KCTD1: variants seen among roughly 807,000 people sequenced by gnomAD.
The protein encoded by KCTD1 is BTB/POZ domain-containing protein KCTD1.
A neutral mutation model predicts 66.0 loss-of-function variants in KCTD1; 24 were observed. The observed-to-expected ratio is 0.36, with a 90% CI of 0.26 to 0.51. KCTD1 has a LOEUF of 0.51. Ranked by LOEUF, KCTD1 falls within the 20% of genes least tolerant of loss-of-function variation. The probability of loss-of-function intolerance (pLI) is 0.95; values close to 1 mark genes in which losing one functional copy is unlikely to be tolerated. For missense variants in KCTD1, 943 were observed against 1,205.2 expected, an observed-to-expected ratio of 0.78 and a Z score of 3.22; for synonymous variants, 511 against 517.2, an observed-to-expected ratio of 0.99 and a Z score of 0.16.
intron 1 of KCTD1, chr18:26,599,392 A>C: frequency 6.2e-7 from 1 of 1,610,356 alleles, no homozygotes; most frequent in Non-Finnish European, 8.5e-7. Context: ...GTCTGTCAGT[A>C]CTGCACTGCA....
intron 1 of KCTD1, among the ~76,000 whole-genome samples, chr18:26,535,785 C>T (rs913440314): frequency 6.6e-6 from 1 of 151,964 alleles, no homozygotes; most frequent in African/African-American, 2.4e-5. Context: ...GGAACCAGAA[C>T]TTTAACTTTG....
At chr18:26,528,627 C>G (rs1446091042) in intron 1 of KCTD1, among the ~76,000 whole-genome samples, 1 of 152,180 alleles carries the variant, frequency 6.6e-6, no homozygotes, top group Non-Finnish European at 1.5e-5. Flanking sequence ...CCTTCTTCAC[C>G]TCTCAGGCTC....
intron 3 of KCTD1, among the ~76,000 whole-genome samples, chr18:26,467,242 T>C (rs951457964): frequency 3.3e-5 from 5 of 152,004 alleles, no homozygotes. Flanking sequence ...AGGTTGGTTG[T>C]GGTGGTGGCT....
At chr18:26,583,420 AAAAG>A (rs1433309363) in intron 1 of KCTD1, among the ~76,000 whole-genome samples, 2 of 151,170 alleles carry the variant, frequency 1.3e-5, no homozygotes, top group Non-Finnish European at 2.9e-5. Flanking sequence ...AAAAAAAAGA[AAAAG>A]AAAAGAAAAG....
chr18:26,476,395 G>T lies in KCTD1; in HGVS notation c.2133+120C>A. On this transcript the variant is annotated intron_variant, in intron 3 of 4. Coordinates refer to ENST00000580059, the MANE Select transcript of KCTD1 (RefSeq NM_001142730.3). The surrounding 1 kb of genome is among the most constrained non-coding windows in gnomAD (Gnocchi z 4.9). Reference sequence around the variant, plus strand: ...TTCATGAATAGTGAACCATGTCAAAGAGAACTCTGGCACCTTTCGAGTTGG... The same window carrying T: ...TTCATGAATAGTGAACCATGTCAAATAGAACTCTGGCACCTTTCGAGTTGG... The T allele has an allele frequency of 1.1e-6, 1 of 887,002 alleles. No individual in the cohort carries two copies. The highest frequency in any genetic ancestry group is 1.9e-5 in the South Asian group (1 of 51,890). 54.9% of individuals were successfully genotyped at this position (887,002 alleles called of 1,614,324 possible). A position where few individuals can be genotyped will look rare whatever the true frequency, so the allele number is the denominator to read the frequency against.
At chr18:26,633,434 G>A (rs536029185), upstream of KCTD1, among the ~76,000 whole-genome samples, 1 of 151,954 alleles carries the variant, frequency 6.6e-6, no homozygotes, top group East Asian at 1.9e-4. Context: ...AAACACAAGA[G>A]GCCATAAAAG....
At chr18:26,460,912 A>G (rs894267524) in intron 3 of KCTD1, 3 of 152,216 alleles carry the variant, frequency 2.0e-5, no homozygotes, top group African/African-American at 4.8e-5. Flanking sequence ...TATGGCCACA[A>G]TCATTTCTGG....
At chr18:26,519,416 C>T (rs1029353203) in intron 1 of KCTD1, among the ~76,000 whole-genome samples, 6 of 152,064 alleles carry the variant, frequency 3.9e-5, no homozygotes, top group Admixed American at 6.5e-5. Flanking sequence ...AATGTTTTGT[C>T]GAGACAAATT....
chr18:26,512,164 C>T (rs563846369), intron 1 of KCTD1, among the ~76,000 whole-genome samples: 68 of 152,136 alleles, frequency 4.5e-4, no homozygotes, highest in African/African-American at 1.5e-3. Context: ...AGTGCAGTAG[C>T]GCGATCTTGG....
chr18:26,586,107 A>G (rs1402966428), intron 1 of KCTD1, among the ~76,000 whole-genome samples: 5 of 152,252 alleles, frequency 3.3e-5, no homozygotes, highest in African/African-American at 7.2e-5. Flanking sequence ...CTTTATAGCA[A>G]TTCAAAGATA....
At chr18:26,549,728 C>T, upstream of KCTD1, 5 of 985,438 alleles carry the variant, frequency 5.1e-6, no homozygotes, top group Non-Finnish European at 6.0e-6. Flanking sequence ...CGCACTCTCA[C>T]TCAAAGTTTG....
intron 1 of KCTD1, among the ~76,000 whole-genome samples, chr18:26,520,225 C>T (rs1036815090): frequency 6.6e-6 from 1 of 152,160 alleles, no homozygotes; most frequent in African/African-American, 2.4e-5. Flanking sequence ...TTGCTCAGGG[C>T]CACAGCTGAG....
At chr18:26,503,740 C>G (rs1381365430) in intron 1 of KCTD1, among the ~76,000 whole-genome samples, 1 of 151,196 alleles carries the variant, frequency 6.6e-6, no homozygotes, top group East Asian at 1.9e-4. Context: ...CATAACTGAT[C>G]GGTTGAAGCA....
intron 1 of KCTD1, among the ~76,000 whole-genome samples, chr18:26,648,405 CTT>C (rs1333405272): frequency 6.6e-6 from 1 of 152,230 alleles, no homozygotes; most frequent in Non-Finnish European, 1.5e-5. Flanking sequence ...GCGGATTTCT[CTT>C]ATCGCTAAGT....
At chr18:26,528,794 T>C (rs115881136) in intron 1 of KCTD1, among the ~76,000 whole-genome samples, 2,177 of 152,280 alleles carry the variant, frequency 0.014, 59 homozygotes, top group African/African-American at 0.049. Flanking sequence ...ACGACTCCCT[T>C]TGCCCCTGAA....
chr18:26,498,328 G>A (rs1982582072), intron 2 of KCTD1, among the ~76,000 whole-genome samples: 1 of 151,842 alleles, frequency 6.6e-6, no homozygotes, highest in African/African-American at 2.4e-5. Context: ...GTTGGTGAAA[G>A]AGACACTCGC....
At chr18:26,645,344 G>A (rs1335378112), upstream of KCTD1, among the ~76,000 whole-genome samples, 1 of 151,982 alleles carries the variant, frequency 6.6e-6, no homozygotes, top group Non-Finnish European at 1.5e-5. Flanking sequence ...CAAAGTTCTG[G>A]GCTCAAGTGA....
chr18:26,597,710 A>T (rs1361132779), intron 1 of KCTD1, among the ~76,000 whole-genome samples: 1 of 146,772 alleles, frequency 6.8e-6, no homozygotes, highest in Non-Finnish European at 1.5e-5. Context: ...CTGGAGTGCA[A>T]TGGCACGCTC....
chr18:26,466,687 C>A (rs1299346313), intron 3 of KCTD1, among the ~76,000 whole-genome samples: 2 of 152,198 alleles, frequency 1.3e-5, no homozygotes, highest in African/African-American at 2.4e-5. Context: ...CACCTTGATA[C>A]AATGATCAGT....
Sources: gnomAD v4.1 joint callset for allele counts (sites outside exome capture counted in the v4.1 genomes callset) on GRCh38, gnomAD v4.1.1 for gene constraint, Gnocchi (gnomAD v3.1) non-coding constraint, MANE v1.5 for transcripts, NCBI Gene and HGNC (gene_info 2026-07-23, HGNC 2026-07-21) for gene names.